Variants in ACSS1 observed in about 807,000 individuals in gnomAD.
ACSS1 encodes the protein acyl-CoA synthetase short chain family member 1, also known as acetyl-coenzyme A synthetase 2-like, mitochondrial.
ACSS1 carries 42 observed loss-of-function variants against 75.3 expected under a neutral mutation model. The observed-to-expected ratio is 0.56, with a 90% CI of 0.44 to 0.72. The LOEUF (loss-of-function observed/expected upper bound fraction) is 0.72, where lower values mean the gene tolerates loss of function less well. Ranked by LOEUF, ACSS1 falls within the 30% of genes least tolerant of loss-of-function variation. The pLI, the probability that ACSS1 is intolerant of heterozygous loss-of-function variation, is 0.00. For missense variants in ACSS1, 782 were observed against 935.7 expected, an observed-to-expected ratio of 0.84 and a Z score of 2.14; for synonymous variants, 380 against 376.8, an observed-to-expected ratio of 1.01 and a Z score of -0.10.
At chr20:25,045,107 C>T (rs2089065477) in intron 2 of ACSS1, among the ~76,000 whole-genome samples, 1 of 152,236 alleles carries the variant, frequency 6.6e-6, no homozygotes, top group East Asian at 1.9e-4. Context: ...ATCATTATCA[C>T]GGCTATTCTT....
chr20:25,015,628 C>T (rs1030646079), intron 7 of ACSS1, among the ~76,000 whole-genome samples: 2 of 152,120 alleles, frequency 1.3e-5, no homozygotes, highest in African/African-American at 4.8e-5. Context: ...GAAAACAGCT[C>T]CGTGATTTTT....
chr20:25,022,244 C>G (rs1053616256), intron 5 of ACSS1, among the ~76,000 whole-genome samples: 8 of 151,968 alleles, frequency 5.3e-5, no homozygotes, highest in African/African-American at 1.9e-4. Flanking sequence ...GCCTGTAATC[C>G]CAGCTACTCA....
At chr20:25,009,145 C>A in intron 13 of ACSS1, 125 bp downstream of exon 13, 6 of 891,554 alleles carry the variant, frequency 6.7e-6, no homozygotes, top group Non-Finnish European at 1.1e-5. Context: ...CCAGGAAAAC[C>A]AAACAGCTAG....
intron 1 of ACSS1, among the ~76,000 whole-genome samples, chr20:25,050,688 T>TGATA: frequency 6.6e-6 from 1 of 151,950 alleles, no homozygotes; most frequent in East Asian, 1.9e-4. Context: ...ATTCATCTCA[T>TGATA]CGCCTCACCT....
At position 25,030,880 on chromosome 20, in the gene ACSS1, G is replaced by C. The variant is rs1373890763; in HGVS notation, c.510C>G (p.Ile170Met). Residue 170 changes from isoleucine to methionine, a missense_variant, in exon 3 of 14, where the codon ATC (isoleucine) becomes ATG (methionine). Ile to Met is a conservative substitution (Grantham distance 10). Coordinates refer to ENST00000323482, the MANE Select transcript of ACSS1 (RefSeq NM_032501.4). Reference sequence around the variant, plus strand: ...CAGCCAATGGGGACACGGGCATGTAGATGGCAACACGGTCCCCACGGTGGA... The same window carrying C: ...CAGCCAATGGGGACACGGGCATGTACATGGCAACACGGTCCCCACGGTGGA... ...HGVHRGDRVA[I>M]YMPVSPLAVA... is the part of the protein sequence containing the mutation. 6.2e-7 allele frequency: 1 copy of C among 1,614,122 alleles called. No homozygotes were observed. Among genetic ancestry groups the C allele is most frequent in the Non-Finnish European group, 8.5e-7 (1 of 1,180,054 alleles).
rs146710264 is a variant in ACSS1, at chr20:25,037,005, A to AAAGGAAGGAAGGAAGG, written c.432-6063_432-6048dup. ...AAAGAAAAAGAAAGAAAGAAGAAAGAAAGGAAGGAAGGAAGGAAGGAAGGA... is the reference window on the plus strand; with the variant it reads ...AAAGAAAAAGAAAGAAAGAAGAAAGAAAGGAAGGAAGGAAGGAAGGAAGGAAGGAAGGAAGGAAGGA... On this transcript the variant is annotated intron_variant, in intron 2 of 13. Transcript: ENST00000323482. Among the ~76,000 whole-genome samples the AAAGGAAGGAAGGAAGG allele has an allele frequency of 1.5e-4, 20 of 131,944 alleles. 1 individual carries two copies. Among genetic ancestry groups the AAAGGAAGGAAGGAAGG allele is most frequent in the African/African-American group, 5.3e-4 (18 of 33,682 alleles). 86.6% of individuals were successfully genotyped at this position (131,944 alleles called of 152,430 possible).
intron 7 of ACSS1, among the ~76,000 whole-genome samples, chr20:25,017,651 T>C (rs2088542703): frequency 6.6e-6 from 1 of 152,230 alleles, no homozygotes; most frequent in Admixed American, 6.5e-5. Context: ...TGCTGGGGGC[T>C]GGCCCCCTGG....
intron 1 of ACSS1, among the ~76,000 whole-genome samples, chr20:25,049,881 G>A (rs2089152668): frequency 6.6e-6 from 1 of 152,074 alleles, no homozygotes; most frequent in Non-Finnish European, 1.5e-5. Flanking sequence ...TCTTCACCAG[G>A]CGGTGAAGAA....
chr20:25,009,174 T>C (rs539350442), intron 13 of ACSS1, 96 bp downstream of exon 13: 13 of 1,115,996 alleles, frequency 1.2e-5, no homozygotes, highest in South Asian at 6.9e-5. Flanking sequence ...TTGATGCTAA[T>C]TGGAAAAGAG....
chr20:25,055,415 G>A (rs1012484200), intron 1 of ACSS1, among the ~76,000 whole-genome samples: 1 of 152,190 alleles, frequency 6.6e-6, no homozygotes, highest in Admixed American at 6.5e-5. Context: ...ACGAAACTGT[G>A]TTGCGCCATC....
Position 25,030,836 on chromosome 20 carries a change from C to T in ACSS1, c.554G>A (p.Cys185Tyr). The T allele has an allele frequency of 6.2e-7, 1 of 1,614,242 alleles. No individual in the cohort carries two copies. The highest frequency in any genetic ancestry group is 8.5e-7 in the Non-Finnish European group (1 of 1,180,042). ...TGTGTGGACAGCTCCGATCCTGGCA[C>T]AGGCCAGCATTGCTGCCACAGCCAA... is the stretch of plus-strand genomic sequence containing the variant. ...SPLAVAAMLACARIGAVHTVI... is the reference protein window; with the variant it reads ...SPLAVAAMLAYARIGAVHTVI... Residue 185 changes from cysteine to tyrosine, a missense_variant, in exon 3 of 14, where the codon TGT (cysteine) becomes TAT (tyrosine). Cys to Tyr is a radical substitution (Grantham distance 194). Around this residue, in one of 2 missense-constraint regions of ACSS1, gnomAD observed 377 missense variants for 383.1 expected, o/e 0.98. Transcript: ENST00000323482.
intron 2 of ACSS1, chr20:25,047,014 C>T: frequency 2.8e-6 from 2 of 726,508 alleles, no homozygotes; most frequent in Non-Finnish European, 5.1e-6. Context: ...ACGAGCAGGA[C>T]AGGGCCCACT....
intron 3 of ACSS1, among the ~76,000 whole-genome samples, chr20:25,026,597 TC>T (rs370980204): frequency 6.6e-6 from 1 of 152,294 alleles, no homozygotes; most frequent in African/African-American, 2.4e-5. Context: ...CATTCCCCTG[TC>T]CCCATCTGAT....
chr20:25,015,709 T>C (rs2088505194), intron 7 of ACSS1, among the ~76,000 whole-genome samples: 1 of 152,190 alleles, frequency 6.6e-6, no homozygotes, highest in African/African-American at 2.4e-5. Context: ...ATCAAAGAAA[T>C]GCACATGACC....
intron 1 of ACSS1, among the ~76,000 whole-genome samples, chr20:25,057,323 C>A (rs2089255873): frequency 1.3e-5 from 2 of 152,236 alleles, no homozygotes; most frequent in South Asian, 2.1e-4. Context: ...GCACCGCAGC[C>A]CGCAGTGACA....
At chr20:25,031,636 G>T (rs1356568674) in intron 2 of ACSS1, among the ~76,000 whole-genome samples, 1 of 152,144 alleles carries the variant, frequency 6.6e-6, no homozygotes, top group Non-Finnish European at 1.5e-5. Context: ...CTATGTAACT[G>T]AGAAGCTTTC....
Position 25,048,095 on chromosome 20 carries a change from T to C in ACSS1, c.421A>G (p.Ile141Val). ...TCGAGGGCACAGTACCTGTAGGTGATCCTCACTTCCGTTCCAGGCTCATCG... is the reference window on the plus strand; with the variant it reads ...TCGAGGGCACAGTACCTGTAGGTGACCCTCACTTCCGTTCCAGGCTCATCG... ...ERDEPGTEVRITYRELLETTC... is the reference protein window; with the variant it reads ...ERDEPGTEVRVTYRELLETTC... Residue 141 changes from isoleucine to valine, a missense_variant, in exon 2 of 14, where the codon ATC (isoleucine) becomes GTC (valine). Physicochemically the swap from Ile to Val is conservative, Grantham distance 29. Coordinates refer to ENST00000323482, the MANE Select transcript of ACSS1 (RefSeq NM_032501.4). 1.2e-6 allele frequency: 2 copies of C among 1,613,480 alleles called. No individual in the cohort carries two copies. The highest frequency in any genetic ancestry group is 2.2e-5 in the South Asian group (2 of 91,006).
intron 2 of ACSS1, among the ~76,000 whole-genome samples, chr20:25,045,745 G>A (rs1438194942): frequency 1.3e-5 from 2 of 152,186 alleles, no homozygotes; most frequent in East Asian, 3.9e-4. Context: ...TCAGAGAAAG[G>A]AAGAAGAAAA....
In ACSS1 at chr20:25,021,430, G is replaced by C; in HGVS notation, c.1067C>G (p.Thr356Ser). Residue 356 changes from threonine to serine, a missense_variant, in exon 6 of 14, where the codon ACC becomes AGC. By Grantham distance (58) the Thr-to-Ser change is moderately conservative. Transcript: ENST00000323482. ...VVYGPLCNGA[T>S]SVLFESTPVY... Reference sequence around the variant, plus strand: ...TGGGGTGCTCTCAAAAAGGACGCTGGTGGCACCATTGCAGAGAGGCCCATA... The same window carrying C: ...TGGGGTGCTCTCAAAAAGGACGCTGCTGGCACCATTGCAGAGAGGCCCATA... 1 of 1,614,204 alleles carries C rather than the reference G, an allele frequency of 6.2e-7. No homozygotes were observed. Among genetic ancestry groups the C allele is most frequent in the Non-Finnish European group, 8.5e-7 (1 of 1,180,038 alleles).
Sources: allele counts gnomAD v4.1 joint callset (sites outside exome capture counted in the v4.1 genomes callset), GRCh38; gene constraint gnomAD v4.1.1; regional missense constraint gnomAD v4.1.1; transcripts MANE v1.5; gene names NCBI Gene and HGNC (gene_info 2026-07-23, HGNC 2026-07-21).